Variants in ANKRD55 observed in about 807,000 individuals in gnomAD.
ANKRD55 encodes the protein ankyrin repeat domain 55, also known as ankyrin repeat domain-containing protein 55.
Under a neutral mutation model 60.6 loss-of-function variants are expected in ANKRD55, and 41 were observed. The observed-to-expected ratio is 0.68, with a 90% CI of 0.53 to 0.88. ANKRD55 has a LOEUF of 0.88. Among genes scored for constraint, ANKRD55 ranks in the 40% least tolerant of loss-of-function variants. The probability of loss-of-function intolerance (pLI) is 0.00; values close to 1 mark genes in which losing one functional copy is unlikely to be tolerated. For synonymous variants in ANKRD55, 264 were observed against 290.3 expected (o/e 0.91, Z 0.92); for missense variants, 732 against 767.6 (o/e 0.95, Z 0.55).
intron 6 of ANKRD55, among the ~76,000 whole-genome samples, chr5:56,144,881 A>T (rs1269107249): frequency 6.6e-6 from 1 of 152,182 alleles, no homozygotes; most frequent in South Asian, 2.1e-4. Context: ...CTCCTTGCTC[A>T]CTCATCTCAA....
intron 2 of ANKRD55, among the ~76,000 whole-genome samples, chr5:56,223,809 C>T (rs1760032715): frequency 6.6e-6 from 1 of 152,122 alleles, no homozygotes; most frequent in Non-Finnish European, 1.5e-5. Context: ...TATATGCACC[C>T]AATACAGGAG....
At chr5:56,190,677 G>A (rs1759074238) in intron 2 of ANKRD55, among the ~76,000 whole-genome samples, 2 of 152,134 alleles carry the variant, frequency 1.3e-5, no homozygotes, top group Admixed American at 1.3e-4. Flanking sequence ...AGGCCAGGAA[G>A]TCCAAGGGCA....
At chr5:56,134,783 A>G (rs1757514311) in intron 7 of ANKRD55, among the ~76,000 whole-genome samples, 1 of 152,144 alleles carries the variant, frequency 6.6e-6, no homozygotes, top group Non-Finnish European at 1.5e-5. Context: ...AATACAAAAC[A>G]AAACAAAGAT....
At chr5:56,143,634 T>C in intron 7 of ANKRD55, 167 bp downstream of exon 7, 2 of 910,476 alleles carry the variant, frequency 2.2e-6, no homozygotes, top group Non-Finnish European at 3.3e-6. Flanking sequence ...CTGCTTGATA[T>C]TTTATAACTA....
chr5:56,143,181 A>G (rs1192835923), intron 7 of ANKRD55, among the ~76,000 whole-genome samples: 1 of 152,228 alleles, frequency 6.6e-6, no homozygotes, highest in East Asian at 1.9e-4. Flanking sequence ...CTCTCCTTGA[A>G]AAAAGGAATA....
chr5:56,127,097 T>C lies in ANKRD55; in HGVS notation c.622A>G (p.Arg208Gly), dbSNP rs1757285953. ...CTCAGAATGATGGAGCACAGAATCC[T>C]ATTTCCACTCTGGAAAAGAGAGTCA... ...ALHWAVQSGN[R>G]ILCSIILSHH... Residue 208 changes from arginine (R) to glycine (G), a missense_variant, in exon 8 of 12, where the codon AGG becomes GGG. By Grantham distance (125) the Arg-to-Gly change is moderately radical. Coordinates refer to ENST00000341048, the MANE Select transcript of ANKRD55 (RefSeq NM_024669.3). 6.2e-7 allele frequency: 1 copy of C among 1,607,746 alleles called. No homozygotes were observed. Among genetic ancestry groups the C allele is most frequent in the East Asian group, 2.2e-5 (1 of 44,714 alleles).
intron 2 of ANKRD55, among the ~76,000 whole-genome samples, chr5:56,218,651 C>T (rs2111885233): frequency 6.6e-6 from 1 of 152,322 alleles, no homozygotes; most frequent in Non-Finnish European, 1.5e-5. Flanking sequence ...CTTTGTGTAA[C>T]TCACTTTTTG....
chr5:56,134,805 A>G (rs1363050104), intron 7 of ANKRD55, among the ~76,000 whole-genome samples: 1 of 152,124 alleles, frequency 6.6e-6, no homozygotes, highest in Non-Finnish European at 1.5e-5. Flanking sequence ...TTATAAGAAA[A>G]CTATAGACCA....
chr5:56,160,370 C>A (rs151090048), intron 5 of ANKRD55, among the ~76,000 whole-genome samples: 1 of 152,210 alleles, frequency 6.6e-6, no homozygotes, highest in African/African-American at 2.4e-5. Context: ...TCCCGAGTAG[C>A]TGGGACTACA....
At chr5:56,155,628 C>A (rs1758172269) in intron 6 of ANKRD55, among the ~76,000 whole-genome samples, 1 of 152,026 alleles carries the variant, frequency 6.6e-6, no homozygotes, top group Non-Finnish European at 1.5e-5. Context: ...AGTACAGGAG[C>A]TCAGTCAAAA....
chr5:56,157,171 G>A (rs1197440445), intron 6 of ANKRD55, among the ~76,000 whole-genome samples: 1 of 152,160 alleles, frequency 6.6e-6, no homozygotes, highest in Non-Finnish European at 1.5e-5. Flanking sequence ...GTCGACTCAA[G>A]GTTTAATGGA....
intron 5 of ANKRD55, among the ~76,000 whole-genome samples, chr5:56,163,119 C>T (rs916375108): frequency 2.0e-5 from 3 of 152,134 alleles, no homozygotes; most frequent in Non-Finnish European, 4.4e-5. Flanking sequence ...ATCCATTGAT[C>T]GTCAAAGCTG....
chr5:56,141,868 G>T (rs1385813683), intron 7 of ANKRD55, among the ~76,000 whole-genome samples: 3 of 152,118 alleles, frequency 2.0e-5, no homozygotes, highest in African/African-American at 7.2e-5. Context: ...CATATGCATG[G>T]TCTCATTCTG....
intron 5 of ANKRD55, among the ~76,000 whole-genome samples, chr5:56,164,639 C>T (rs1758409077): frequency 6.6e-6 from 1 of 152,132 alleles, no homozygotes; most frequent in South Asian, 2.1e-4. Flanking sequence ...GCATGTGCAG[C>T]GTTGTACAAA....
intron 2 of ANKRD55, among the ~76,000 whole-genome samples, chr5:56,211,063 C>G (rs1759659651): frequency 6.6e-6 from 1 of 152,062 alleles, no homozygotes; most frequent in South Asian, 2.1e-4. Context: ...GGGGGTACAG[C>G]CAAAGGCCAT....
In ANKRD55 at chr5:56,183,642, C is replaced by T. The variant is rs776509988; in HGVS notation, c.59-8G>A. 6.2e-7 allele frequency: 1 copy of T among 1,613,764 alleles called. No homozygotes were observed. Among genetic ancestry groups the T allele is most frequent in the East Asian group, 2.2e-5 (1 of 44,876 alleles). ...CTTCCTCAGATGAGTCACCTTCATG[C>T]ATAAAACAGACACAATGTTAGTGTG... On this transcript the variant is annotated splice_region_variant and splice_polypyrimidine_tract_variant and intron_variant, in intron 2 of 11. Transcript: ENST00000341048.
intron 8 of ANKRD55, among the ~76,000 whole-genome samples, chr5:56,119,228 A>T (rs1756970512): frequency 6.6e-6 from 1 of 152,238 alleles, no homozygotes; most frequent in Admixed American, 6.5e-5. Flanking sequence ...GTAGTACTGG[A>T]ATACTACTCA....
intron 3 of ANKRD55, among the ~76,000 whole-genome samples, chr5:56,177,152 T>C (rs1216391433): frequency 6.6e-6 from 1 of 152,222 alleles, no homozygotes; most frequent in Non-Finnish European, 1.5e-5. Context: ...AAGTTTTCTT[T>C]AATATTTGAA....
At chr5:56,106,766 G>C (rs1021482017) in intron 10 of ANKRD55, among the ~76,000 whole-genome samples, 2 of 152,038 alleles carry the variant, frequency 1.3e-5, no homozygotes, top group Non-Finnish European at 2.9e-5. Context: ...AGCATTTTGG[G>C]AGGCCAAGAT....
Sources: gnomAD v4.1 joint callset for allele counts (sites outside exome capture counted in the v4.1 genomes callset) on GRCh38, gnomAD v4.1.1 for gene constraint, MANE v1.5 for transcripts, NCBI Gene and HGNC (gene_info 2026-07-23, HGNC 2026-07-21) for gene names.